The following DPP10 variants were observed in gnomAD, a reference collection of about 807,000 sequenced individuals.
DPP10 encodes inactive dipeptidyl peptidase 10.
DPP10 carries 33 observed loss-of-function variants against 120.9 expected under a neutral mutation model. The ratio of observed to expected loss-of-function variants is 0.27; its 90% CI spans 0.21 to 0.37. The LOEUF (loss-of-function observed/expected upper bound fraction) is 0.37. Ranked by LOEUF, DPP10 falls within the 10% of genes least tolerant of loss-of-function variation. The pLI is 1.00. For missense variants in DPP10, 816 were observed against 942.8 expected (o/e 0.87, Z 1.76); for synonymous variants, 337 against 326.1 (o/e 1.03, Z -0.36).
At chr2:114,662,237 G>C in intron 1 of DPP10, among the ~76,000 whole-genome samples, 1 of 152,194 alleles carries the variant, frequency 6.6e-6, no homozygotes, top group East Asian at 1.9e-4. Context: ...GGGGAGACTG[G>C]AAAAGCAGAC....
chr2:114,653,609 C>A (rs1696767651), intron 1 of DPP10, among the ~76,000 whole-genome samples: 1 of 152,136 alleles, frequency 6.6e-6, no homozygotes, highest in Non-Finnish European at 1.5e-5. Context: ...ATGCATTTGT[C>A]ATGCCCTCCA....
At position 115,646,398 on chromosome 2, in the gene DPP10, G is replaced by C. The variant is rs1279557350; in HGVS notation, c.442-43289G>C. The stretch of plus-strand genomic sequence containing the variant: ...TGGGTAAAAAAAAAGAAATTGAAGA[G>C]ATTATATATGGGAGATTCTATAATT... On this transcript the variant is annotated intron_variant, in intron 5 of 25. Coordinates refer to ENST00000410059, the MANE Select transcript of DPP10 (RefSeq NM_020868.6). Among the ~76,000 whole-genome samples the C allele has an allele frequency of 2.6e-5, 4 of 152,154 alleles. No individual in the cohort carries two copies. The East Asian group carries it at 7.7e-4, about 29-fold the overall frequency.
chr2:115,138,155 G>T (rs2050744314), intron 1 of DPP10, among the ~76,000 whole-genome samples: 1 of 152,082 alleles, frequency 6.6e-6, no homozygotes, highest in Non-Finnish European at 1.5e-5. Flanking sequence ...GGGGGTCTGG[G>T]TGGCTATCTG....
intron 21 of DPP10, among the ~76,000 whole-genome samples, chr2:115,827,259 G>T (rs1298267087): frequency 6.9e-6 from 1 of 144,668 alleles, no homozygotes; most frequent in Non-Finnish European, 1.5e-5. Flanking sequence ...CTGTAAACAG[G>T]TCAGTATTTA....
At chr2:115,427,985 C>T (rs2104746145) in intron 3 of DPP10, among the ~76,000 whole-genome samples, 1 of 152,276 alleles carries the variant, frequency 6.6e-6, no homozygotes, top group Admixed American at 6.5e-5. Context: ...TGCCAGATAC[C>T]CTAAATCATC....
intron 3 of DPP10, among the ~76,000 whole-genome samples, chr2:115,374,656 G>A (rs761483313): frequency 3.9e-5 from 6 of 152,218 alleles, no homozygotes; most frequent in Non-Finnish European, 5.9e-5. Context: ...GGACATCCAG[G>A]CGTTTCCATA....
At chr2:114,750,125 G>A (rs1209126299) in intron 1 of DPP10, among the ~76,000 whole-genome samples, 2 of 152,004 alleles carry the variant, frequency 1.3e-5, no homozygotes, top group South Asian at 2.1e-4. Flanking sequence ...GGAAAGAATA[G>A]GAGAACTGTG....
intron 1 of DPP10, among the ~76,000 whole-genome samples, chr2:115,177,647 G>A (rs1453161858): frequency 6.6e-6 from 1 of 152,186 alleles, no homozygotes; most frequent in Non-Finnish European, 1.5e-5. Flanking sequence ...CCAGAGAAAT[G>A]TTTGTAGTTT....
chr2:114,557,954 C>T (rs1395227478), intron 1 of DPP10, among the ~76,000 whole-genome samples: 1 of 152,106 alleles, frequency 6.6e-6, no homozygotes, highest in Non-Finnish European at 1.5e-5. Context: ...ATTCTTCTCC[C>T]TCTGTATGTC....
intron 5 of DPP10, among the ~76,000 whole-genome samples, chr2:115,621,866 C>A (rs1380867858): frequency 6.6e-6 from 1 of 151,874 alleles, no homozygotes; most frequent in Non-Finnish European, 1.5e-5. Context: ...TTGGTAAAGA[C>A]AAGGTTTCTG....
chr2:114,523,263 C>T (rs1039828352), intron 1 of DPP10, among the ~76,000 whole-genome samples: 1 of 152,168 alleles, frequency 6.6e-6, no homozygotes, highest in African/African-American at 2.4e-5. Context: ...TTGTTCCCTC[C>T]TTTCAATCAG....
intron 1 of DPP10, chr2:115,144,487 A>T (rs1194421665): frequency 6.6e-6 from 1 of 151,994 alleles, no homozygotes; most frequent in East Asian, 1.9e-4. Context: ...ATCTGCTTGG[A>T]ATCTGACCCA....
intron 1 of DPP10, among the ~76,000 whole-genome samples, chr2:114,616,547 C>T (rs2105310307): frequency 6.6e-6 from 1 of 152,262 alleles, no homozygotes; most frequent in Non-Finnish European, 1.5e-5. Flanking sequence ...AGCTGACCCT[C>T]AGAAACACTT....
At chr2:115,408,719 A>G (rs1400072570) in intron 3 of DPP10, among the ~76,000 whole-genome samples, 3 of 152,188 alleles carry the variant, frequency 2.0e-5, no homozygotes, top group Non-Finnish European at 4.4e-5. Flanking sequence ...TTATAAGCCC[A>G]TTGGTCTAAG....
At chr2:115,089,285 A>G (rs925004252) in intron 1 of DPP10, among the ~76,000 whole-genome samples, 1 of 152,176 alleles carries the variant, frequency 6.6e-6, no homozygotes, top group Non-Finnish European at 1.5e-5. Context: ...ACACAGTCAG[A>G]ATAATCCAAT....
intron 1 of DPP10, among the ~76,000 whole-genome samples, chr2:114,572,450 C>G (rs1405261756): frequency 6.6e-6 from 1 of 152,074 alleles, no homozygotes; most frequent in Non-Finnish European, 1.5e-5. Flanking sequence ...AAAATTAATT[C>G]CTCAAAATCT....
intron 1 of DPP10, among the ~76,000 whole-genome samples, chr2:115,195,639 T>A (rs898805465): frequency 6.6e-6 from 1 of 152,228 alleles, no homozygotes; most frequent in Non-Finnish European, 1.5e-5. Flanking sequence ...ATTACTTTTT[T>A]TGTAATTTAG....
At chr2:114,862,113 A>G (rs1352366990) in intron 1 of DPP10, among the ~76,000 whole-genome samples, 1 of 152,178 alleles carries the variant, frequency 6.6e-6, no homozygotes, top group East Asian at 1.9e-4. Flanking sequence ...TTTATTACCC[A>G]TTTCAAAATT....
chr2:115,674,729 T>G (rs929699001), intron 5 of DPP10, among the ~76,000 whole-genome samples: 4 of 152,176 alleles, frequency 2.6e-5, no homozygotes, highest in African/African-American at 9.6e-5. Flanking sequence ...AGTCAGTTCC[T>G]TACATGTTTG....
Sources: allele counts gnomAD v4.1 joint callset (sites outside exome capture counted in the v4.1 genomes callset), GRCh38; gene constraint gnomAD v4.1.1; transcripts MANE v1.5; gene names NCBI Gene and HGNC (gene_info 2026-07-23, HGNC 2026-07-21).